The following PTPRQ variants were observed in gnomAD, a reference collection of about 807,000 sequenced individuals.
PTPRQ encodes protein tyrosine phosphatase receptor type Q.
In PTPRQ, 199 loss-of-function variants were observed where a neutral mutation model predicts 246.0. The observed-to-expected ratio is 0.81, with a 90% CI of 0.72 to 0.91. PTPRQ has a LOEUF of 0.91. Among genes scored for constraint, PTPRQ ranks in the 40% least tolerant of loss-of-function variants. The pLI, the probability that PTPRQ is intolerant of heterozygous loss-of-function variation, is 0.00. For synonymous variants in PTPRQ, 869 were observed against 853.2 expected, an observed-to-expected ratio of 1.02 and a Z score of -0.32; for missense variants, 2,624 against 2,528.4, an observed-to-expected ratio of 1.04 and a Z score of -0.81.
At chr12:80,452,396 A>G (rs575046728) in intron 3 of PTPRQ, among the ~76,000 whole-genome samples, 2 of 152,288 alleles carry the variant, frequency 1.3e-5, no homozygotes, top group East Asian at 1.9e-4. Context: ...TGTGAATTTG[A>G]TCCTGTCATT....
At chr12:80,535,401 G>A (rs1370638156) in intron 19 of PTPRQ, among the ~76,000 whole-genome samples, 2 of 151,890 alleles carry the variant, frequency 1.3e-5, no homozygotes, top group Non-Finnish European at 2.9e-5. Context: ...TTATTTATTA[G>A]CTAAATTTTT....
chr12:80,465,629 C>T (rs1893370629), intron 6 of PTPRQ: 2 of 152,162 alleles, frequency 1.3e-5, no homozygotes, highest in Non-Finnish European at 2.9e-5. Flanking sequence ...AAATGGAATC[C>T]AGCAGCACAC....
chr12:80,673,174 G>T lies in PTPRQ; in HGVS notation c.6608G>T (p.Gly2203Val). 6.4e-7 allele frequency: 1 copy of T among 1,550,540 alleles called. No homozygotes were observed. The highest frequency in any genetic ancestry group is 8.7e-7 in the Non-Finnish European group (1 of 1,146,178). The change falls in exon 43 of 45, where the codon GGA becomes GTA. Residue 2203 changes from glycine (G) to valine (V), a missense_variant. By Grantham distance (109) the Gly-to-Val change is moderately radical. Transcript: ENST00000644991. ...GTAATTTACCCTTCCTGTAGTGCTG[G>T]AGTTGGAAGAACTGGAGTTTTTATT... ...TTPMIVHCSA[G>V]VGRTGVFIAL... is the part of the protein sequence containing the mutation.
At chr12:80,528,053 T>C (rs905541323) in intron 17 of PTPRQ, among the ~76,000 whole-genome samples, 10 of 152,132 alleles carry the variant, frequency 6.6e-5, no homozygotes, top group African/African-American at 2.2e-4. Flanking sequence ...ATCATACCAC[T>C]GCACTCCAGC....
At position 80,496,096 on chromosome 12, in the gene PTPRQ, T is replaced by C; in HGVS notation, c.1980T>C (p.Thr660=). ...LSEENDIFVR[T]SEDEPESSPQ... ...AAGAAAATGACATCTTTGTGAGAAC[T>C]TCAGAAGATGGTAAGAATATCAATT... is the stretch of plus-strand genomic sequence containing the variant. Residue 660 remains threonine (T), a synonymous_variant, in exon 13 of 45, where the codon ACT becomes ACC. Coordinates refer to ENST00000644991, the MANE Select transcript of PTPRQ (RefSeq NM_001145026.2). The C allele has an allele frequency of 6.5e-7, 1 of 1,547,574 alleles. No individual in the cohort carries two copies. Among genetic ancestry groups the C allele is most frequent in the Non-Finnish European group, 8.7e-7 (1 of 1,145,732 alleles).
intron 25 of PTPRQ, among the ~76,000 whole-genome samples, chr12:80,572,919 ATTG>A (rs755723368): frequency 3.3e-5 from 5 of 152,094 alleles, no homozygotes; most frequent in Non-Finnish European, 7.4e-5. Flanking sequence ...TTTGCTTAAG[ATTG>A]TTGTATTTTT....
At chr12:80,604,080 T>C (rs1898230496) in intron 26 of PTPRQ, among the ~76,000 whole-genome samples, 1 of 151,610 alleles carries the variant, frequency 6.6e-6, no homozygotes, top group Non-Finnish European at 1.5e-5. Flanking sequence ...TATGAGTTAT[T>C]TGAGGAAAGG....
chr12:80,470,074 A>G (rs534014814), intron 7 of PTPRQ, among the ~76,000 whole-genome samples: 6 of 152,310 alleles, frequency 3.9e-5, no homozygotes, highest in African/African-American at 1.4e-4. Flanking sequence ...AGTGAAGTCA[A>G]CAGGTCTCTT....
chr12:80,568,763 T>G (rs1411492491), intron 25 of PTPRQ, among the ~76,000 whole-genome samples: 2 of 152,222 alleles, frequency 1.3e-5, no homozygotes, highest in Non-Finnish European at 2.9e-5. Context: ...GTGCATAAAC[T>G]GAAGAACAAA....
intron 1 of PTPRQ, 101 bp downstream of exon 1, chr12:80,444,500 A>G: frequency 1.3e-6 from 1 of 768,744 alleles, no homozygotes; most frequent in Non-Finnish European, 2.2e-6. Context: ...TAGGATAGAT[A>G]GAAATGCTGA....
rs1277111916 is a variant in PTPRQ, at chr12:80,494,918, A to T, written c.1541-15A>T. 1 of 1,505,710 alleles carries T rather than the reference A, an allele frequency of 6.6e-7. No individual in the cohort carries two copies. The highest frequency in any genetic ancestry group is 1.4e-5 in the African/African-American group (1 of 70,870). 93.3% of individuals were successfully genotyped at this position (1,505,710 alleles called of 1,614,324 possible). A position where few individuals can be genotyped will look rare whatever the true frequency, so the allele number is the denominator to read the frequency against. On this transcript the variant is annotated splice_polypyrimidine_tract_variant and intron_variant, in intron 10 of 44. Coordinates refer to ENST00000644991, the MANE Select transcript of PTPRQ (RefSeq NM_001145026.2). Reference sequence around the variant, plus strand: ...AACACCTTTCTTTTTTTCTCTTTTTACTGAATTCAAACAGTAACTACAAGG... The same window carrying T: ...AACACCTTTCTTTTTTTCTCTTTTTTCTGAATTCAAACAGTAACTACAAGG...
rs190312978 is a variant in PTPRQ at position 80,493,495 on chromosome 12, C to T, written c.1540+40C>T. 8 of 1,532,080 alleles carry T rather than the reference C, an allele frequency of 5.2e-6. No individual in the cohort carries two copies. In the Admixed American group the frequency reaches 1.6e-4, roughly 31 times the overall value. The allele number at this position is 1,532,080 out of a possible 1,614,324, so 94.9% of individuals were successfully genotyped here. On this transcript the variant is annotated intron_variant, in intron 10 of 44. Coordinates refer to ENST00000644991, the MANE Select transcript of PTPRQ (RefSeq NM_001145026.2). ...GATTTTCTATAAAGTTCATTTAAAC[C>T]ACCAGTGCTAGCTAGCACAGAAATG...
intron 14 of PTPRQ, among the ~76,000 whole-genome samples, chr12:80,499,138 C>G (rs1032368930): frequency 5.9e-5 from 9 of 151,794 alleles, no homozygotes; most frequent in African/African-American, 1.9e-4. Flanking sequence ...TGACTATAGG[C>G]CTCCTGACCC....
chr12:80,645,307 T>C (rs1227026544), intron 35 of PTPRQ, among the ~76,000 whole-genome samples: 1 of 152,058 alleles, frequency 6.6e-6, no homozygotes. Context: ...TCACATGCTT[T>C]TTGTTGATAA....
At chr12:80,496,650 A>G in intron 14 of PTPRQ, 119 bp downstream of exon 14, 1 of 1,201,670 alleles carries the variant, frequency 8.3e-7, no homozygotes, top group Non-Finnish European at 1.1e-6. Context: ...TTTGTTTTAT[A>G]TAATCCAGAA....
intron 33 of PTPRQ, among the ~76,000 whole-genome samples, chr12:80,627,690 G>A (rs1378885154): frequency 1.3e-5 from 2 of 152,048 alleles, no homozygotes; most frequent in Non-Finnish European, 2.9e-5. Flanking sequence ...TATGTAAACA[G>A]ACCAATTTAA....
At chr12:80,450,498 G>A (rs1347910980) in intron 3 of PTPRQ, among the ~76,000 whole-genome samples, 1 of 152,162 alleles carries the variant, frequency 6.6e-6, no homozygotes, top group Non-Finnish European at 1.5e-5. Flanking sequence ...CATTCAGTAT[G>A]ATATTGGCTG....
intron 19 of PTPRQ, 24 bp downstream of exon 19, chr12:80,535,061 T>C (rs1325125832): frequency 2.0e-6 from 3 of 1,480,710 alleles, no homozygotes; most frequent in African/African-American, 2.9e-5. Context: ...TTTCTTCTAG[T>C]TCTTTATTAA....
chr12:80,572,165 T>A (rs540472480), intron 25 of PTPRQ, among the ~76,000 whole-genome samples: 14 of 152,248 alleles, frequency 9.2e-5, no homozygotes, highest in African/African-American at 2.2e-4. Flanking sequence ...CTAATGAATA[T>A]GTTATTATTT....
Sources: gnomAD v4.1 joint callset for allele counts (sites outside exome capture counted in the v4.1 genomes callset) on GRCh38, gnomAD v4.1.1 for gene constraint, MANE v1.5 for transcripts, NCBI Gene and HGNC (gene_info 2026-07-23, HGNC 2026-07-21) for gene names.